IMPDH1: variants seen among roughly 807,000 people sequenced by gnomAD.
IMPDH1 encodes the protein inosine-5'-monophosphate dehydrogenase 1.
In IMPDH1, 41 loss-of-function variants were observed where a neutral mutation model predicts 73.5. The observed-to-expected ratio is 0.56, with a 90% CI of 0.43 to 0.72. IMPDH1 has a LOEUF of 0.72. Ranked by LOEUF, IMPDH1 falls within the 30% of genes least tolerant of loss-of-function variation. IMPDH1 has a pLI of 0.00. For synonymous variants in IMPDH1, 318 were observed against 334.3 expected, an observed-to-expected ratio of 0.95 and a Z score of 0.53; for missense variants, 645 against 824.8, an observed-to-expected ratio of 0.78 and a Z score of 2.67.
At chr7:128,399,674 G>C (rs1240506374) in intron 9 of IMPDH1, among the ~76,000 whole-genome samples, 1 of 151,516 alleles carries the variant, frequency 6.6e-6, no homozygotes, top group Non-Finnish European at 1.5e-5. Flanking sequence ...GTGAGAAAGT[G>C]AGACTCTGTC....
chr7:128,409,773 G>T lies in IMPDH1; in HGVS notation c.129C>A (p.Ala43=), dbSNP rs1192233344. The part of the protein sequence containing the change: ...AQRYSARLLQ[A]GYEPESPRLD... The stretch of plus-strand genomic sequence containing the variant: ...GGCGTCACCTCTCGGGCTCGTAGCC[G>T]GCCTGCAGCAGTCGGGCGCTGTACC... Residue 43 remains alanine, a synonymous_variant, in exon 1 of 17, where the codon GCC becomes GCA. Coordinates refer to ENST00000338791, the MANE Select transcript of IMPDH1 (RefSeq NM_000883.4). 1.3e-6 allele frequency: 2 copies of T among 1,521,144 alleles called. No homozygotes were observed. Among genetic ancestry groups the T allele is most frequent in the Non-Finnish European group, 1.8e-6 (2 of 1,140,982 alleles). The allele number at this position is 1,521,144 out of a possible 1,614,324, so 94.2% of individuals were successfully genotyped here. A position where few individuals can be genotyped will look rare whatever the true frequency, so the allele number is the denominator to read the frequency against.
Position 128,394,247 on chromosome 7 carries a change from CA to C in IMPDH1, c.1778+30del, listed in dbSNP as rs749716949. 63 of 1,595,026 alleles carry C rather than the reference CA, an allele frequency of 3.9e-5. No homozygotes were observed. The highest frequency in any genetic ancestry group is 5.2e-6 in the Non-Finnish European group (6 of 1,163,292). On this transcript the variant is annotated intron_variant, in intron 16 of 16. Transcript: ENST00000338791. This position sits in a 1 kb window ranked among gnomAD's most constrained non-coding sequence, Gnocchi z 5.5. ...CCCCACCTGCCCAACCCACTGCCTC[CA>C]AGTGACAGCAAGGAGGCCACCACAC...
intron 4 of IMPDH1, among the ~76,000 whole-genome samples, chr7:128,405,382 G>C (rs1798643412): frequency 6.6e-6 from 1 of 152,230 alleles, no homozygotes; most frequent in African/African-American, 2.4e-5. Flanking sequence ...GGCTGCTTAA[G>C]CTTGGCTCCG....
chr7:128,397,791 C>CTTGT (rs1271796362), intron 10 of IMPDH1, among the ~76,000 whole-genome samples: 7 of 152,002 alleles, frequency 4.6e-5, no homozygotes, highest in Middle Eastern at 3.2e-3. Flanking sequence ...AAATGGAATA[C>CTTGT]TGCATACTGG....
chr7:128,403,677 C>G (rs367976312), intron 5 of IMPDH1, 29 bp downstream of exon 5: 2 of 1,603,918 alleles, frequency 1.2e-6, no homozygotes, highest in African/African-American at 2.7e-5. Flanking sequence ...ACACAGCCCC[C>G]TCCCCTTGTC....
rs1303857785 is a variant in IMPDH1, at chr7:128,396,432, T to C, written c.1261+168A>G. Among the ~76,000 whole-genome samples the C allele has an allele frequency of 6.6e-6, 1 of 152,218 alleles. No homozygotes were observed. Among genetic ancestry groups the C allele is most frequent in the Non-Finnish European group, 1.5e-5 (1 of 68,032 alleles). The stretch of plus-strand genomic sequence containing the variant: ...GCAGCTCTTGCACCCTGCTTACACC[T>C]GCCTTCCCCTAAGTCAGTGGGCCCG... On this transcript the variant is annotated intron_variant, in intron 12 of 16. Coordinates refer to ENST00000338791, the MANE Select transcript of IMPDH1 (RefSeq NM_000883.4). This position sits in a 1 kb window ranked among gnomAD's most constrained non-coding sequence, Gnocchi z 4.0.
chr7:128,397,478 G>A (rs1005353277), intron 10 of IMPDH1, among the ~76,000 whole-genome samples: 2 of 152,160 alleles, frequency 1.3e-5, no homozygotes, highest in African/African-American at 4.8e-5. Context: ...CTCAGTAAAC[G>A]TGAGCTAAAT....
chr7:128,393,858 C>T (rs1418823511), intron 16 of IMPDH1: 8 of 310,324 alleles, frequency 2.6e-5, no homozygotes, highest in Non-Finnish European at 4.4e-5. Context: ...GCACTGCCCC[C>T]GCCCACGGTT....
intron 10 of IMPDH1, among the ~76,000 whole-genome samples, chr7:128,397,914 G>A (rs977319205): frequency 2.0e-5 from 3 of 151,960 alleles, no homozygotes; most frequent in South Asian, 2.1e-4. Flanking sequence ...AGTCCCCAGC[G>A]TCTATTATTT....
Position 128,400,809 on chromosome 7 carries a change from G to A in IMPDH1, c.579+8C>T. 2 of 1,613,530 alleles carry A rather than the reference G, an allele frequency of 1.2e-6. No individual in the cohort carries two copies. The highest frequency in any genetic ancestry group is 1.7e-6 in the Non-Finnish European group (2 of 1,179,514). Reference sequence around the variant, plus strand: ...TGGCATCTTGCTGGGGACAGGCCTGGTACTTGCCTTGACCTTCCGCACCTC... The same window carrying A: ...TGGCATCTTGCTGGGGACAGGCCTGATACTTGCCTTGACCTTCCGCACCTC... On this transcript the variant is annotated splice_region_variant and intron_variant, in intron 7 of 16. Coordinates refer to ENST00000338791, the MANE Select transcript of IMPDH1 (RefSeq NM_000883.4).
At chr7:128,397,151 GTTTTTT>G in intron 10 of IMPDH1, 129 bp from the exon 11 acceptor site, 1 of 550,718 alleles carries the variant, frequency 1.8e-6, no homozygotes, top group Non-Finnish European at 3.2e-6. Context: ...CCTTCTGGTT[GTTTTTT>G]TTTTTTTTTT....
At position 128,400,724 on chromosome 7, in the gene IMPDH1, T is replaced by C. The variant is rs1245945681; in HGVS notation, c.579+93A>G. ...ACTGAGAGGAAGGACACGCAGGGAG[T>C]GTAGCAGTGCAGGGCTGGCAGGGGA... is the stretch of plus-strand genomic sequence containing the variant. On this transcript the variant is annotated intron_variant, in intron 7 of 16. Coordinates refer to ENST00000338791, the MANE Select transcript of IMPDH1 (RefSeq NM_000883.4). 5 of 1,227,696 alleles carry C rather than the reference T, an allele frequency of 4.1e-6. No homozygotes were observed. In the African/African-American group the frequency reaches 7.5e-5, roughly 18 times the overall value. 76.1% of individuals were successfully genotyped at this position (1,227,696 alleles called of 1,614,324 possible). A position where few individuals can be genotyped will look rare whatever the true frequency, so the allele number is the denominator to read the frequency against.
intron 4 of IMPDH1, among the ~76,000 whole-genome samples, chr7:128,404,893 C>G (rs1381456698): frequency 6.6e-6 from 1 of 152,206 alleles, no homozygotes; most frequent in Non-Finnish European, 1.5e-5. Flanking sequence ...CGCCTACGGG[C>G]AGGCAGGAGG....
chr7:128,405,232 A>G (rs140225584), intron 4 of IMPDH1, among the ~76,000 whole-genome samples: 93 of 152,346 alleles, frequency 6.1e-4, no homozygotes, highest in African/African-American at 2.2e-3. Flanking sequence ...CAGTCACAGA[A>G]TAATTCGCGC....
At position 128,401,597 on chromosome 7, in the gene IMPDH1, C is replaced by T. The variant is rs372522841; in HGVS notation, c.403-481G>A. Among the ~76,000 whole-genome samples the T allele has an allele frequency of 7.9e-5, 12 of 152,116 alleles. No individual in the cohort carries two copies. In the South Asian group the frequency reaches 2.3e-3, roughly 29 times the overall value. ...GCAGCATGCATGGCCGTGAAGACCA[C>T]GGACAGAAGCTCAGATTTGATTCGG... On this transcript the variant is annotated intron_variant, in intron 5 of 16. Coordinates refer to ENST00000338791, the MANE Select transcript of IMPDH1 (RefSeq NM_000883.4).
At chr7:128,399,009 G>C (rs1049693665) in intron 9 of IMPDH1, among the ~76,000 whole-genome samples, 1 of 152,164 alleles carries the variant, frequency 6.6e-6, no homozygotes, top group Non-Finnish European at 1.5e-5. Context: ...GTATGGACCA[G>C]GGAAGCATTT....
rs1277118484 is a variant in IMPDH1 at position 128,401,073 on chromosome 7, G to A, written c.446C>T (p.Pro149Leu). Residue 149 changes from proline (P) to leucine (L), a missense_variant, in exon 6 of 17, where the codon CCA becomes CTA. Around this residue, in one of 2 missense-constraint regions of IMPDH1, gnomAD observed 459 missense variants for 638.2 expected, o/e 0.72. Coordinates refer to ENST00000338791, the MANE Select transcript of IMPDH1 (RefSeq NM_000883.4). ...ALTRKITLKTPLISSPMDTVT... is the reference protein window; with the variant it reads ...ALTRKITLKTLLISSPMDTVT... ...AGTGTCCATGGGGGAGGAGATCAGT[G>A]GCGTCTTCAGCGTGATCTTCCGGGT... The A allele has an allele frequency of 6.2e-7, 1 of 1,614,080 alleles. No individual in the cohort carries two copies. The highest frequency in any genetic ancestry group is 1.1e-5 in the South Asian group (1 of 91,082).
rs1798048530 is a variant in IMPDH1 at position 128,398,006 on chromosome 7, G to A, written c.1074+408C>T. Among the ~76,000 whole-genome samples the A allele has an allele frequency of 6.6e-6, 1 of 152,190 alleles. No individual in the cohort carries two copies. Among genetic ancestry groups the A allele is most frequent in the Non-Finnish European group, 1.5e-5 (1 of 68,042 alleles). Reference sequence around the variant, plus strand: ...GCAGTATTTGGTTTTCTGCTTTGGAGTTAGTTCACTAAGGATAATGGCTTC... The same window carrying A: ...GCAGTATTTGGTTTTCTGCTTTGGAATTAGTTCACTAAGGATAATGGCTTC... On this transcript the variant is annotated intron_variant, in intron 10 of 16. Transcript: ENST00000338791. The surrounding 1 kb of genome is among the most constrained non-coding windows in gnomAD (Gnocchi z 4.3).
rs373444002 is a variant in IMPDH1 at position 128,394,598 on chromosome 7, C to T, written c.1552G>A (p.Glu518Lys). 6.2e-6 allele frequency: 10 copies of T among 1,613,514 alleles called. No individual in the cohort carries two copies. The highest frequency in any genetic ancestry group is 2.2e-5 in the East Asian group (1 of 44,874). ...SSSSQKRYFSEGDKVKIAQGV... is the reference protein window; with the variant it reads ...SSSSQKRYFSKGDKVKIAQGV... ...TGCGCGATCTTCACTTTATCCCCCT[C>T]GCTGCGTGGAGGGTGGAAGACTGAG... Residue 518 changes from glutamate (E) to lysine (K), a missense_variant and splice_region_variant, in exon 15 of 17, where the codon GAG (glutamate) becomes AAG (lysine). By Grantham distance (56) the Glu-to-Lys change is moderately conservative. Around this residue, in one of 2 missense-constraint regions of IMPDH1, gnomAD observed 459 missense variants for 638.2 expected, o/e 0.72. Transcript: ENST00000338791. The surrounding 1 kb of genome is among the most constrained non-coding windows in gnomAD (Gnocchi z 5.5).
Sources: gnomAD v4.1 joint callset for allele counts (sites outside exome capture counted in the v4.1 genomes callset) on GRCh38, gnomAD v4.1.1 for gene constraint, gnomAD v4.1.1 regional missense constraint, Gnocchi (gnomAD v3.1) non-coding constraint, MANE v1.5 for transcripts, NCBI Gene and HGNC (gene_info 2026-07-23, HGNC 2026-07-21) for gene names.